Variants in GGA2 observed in about 807,000 individuals in gnomAD.
GGA2 encodes the protein golgi associated, gamma adaptin ear containing, ARF binding protein 2, also known as ADP-ribosylation factor-binding protein GGA2.
Under a neutral mutation model 79.5 loss-of-function variants are expected in GGA2, and 48 were observed. The ratio of observed to expected loss-of-function variants is 0.60; its 90% CI spans 0.48 to 0.77. GGA2 has a LOEUF of 0.77. Among genes scored for constraint, GGA2 ranks in the 30% least tolerant of loss-of-function variants. The pLI is 0.00. For synonymous variants in GGA2, 317 were observed against 302.0 expected (o/e 1.05, Z -0.51); for missense variants, 770 against 774.0 (o/e 0.99, Z 0.06).
chr16:23,486,569 C>A, intron 7 of GGA2, 141 bp downstream of exon 7: 1 of 717,940 alleles, frequency 1.4e-6, no homozygotes. Flanking sequence ...GAGACTATGG[C>A]TGTTCCCCAG....
chr16:23,512,125 GGAA>G (rs1567373127), upstream of GGA2, among the ~76,000 whole-genome samples: 1 of 152,314 alleles, frequency 6.6e-6, no homozygotes. Context: ...TTTGAAAGGC[GGAA>G]GAAGAGACCC....
chr16:23,504,144 C>G (rs1964949846), intron 1 of GGA2, among the ~76,000 whole-genome samples: 1 of 150,656 alleles, frequency 6.6e-6, no homozygotes, highest in Admixed American at 6.6e-5. Context: ...TCAGAACAAT[C>G]CAGGTTGGCA....
rs568294273 is a variant in GGA2 at position 23,465,786 on chromosome 16, C to A, written c.*1804G>T. The stretch of plus-strand genomic sequence containing the variant: ...TGAAATCCTGTCTCTACTAAAAATA[C>A]AAAAATTAGCTGGGCGTGCTGGCTC... On this transcript the variant is annotated 3_prime_UTR_variant, in exon 17 of 17. Transcript: ENST00000309859. 501 of 188,636 alleles carry A rather than the reference C, an allele frequency of 2.7e-3. 3 individuals carry two copies. Among genetic ancestry groups the A allele is most frequent in the Non-Finnish European group, 3.8e-3 (339 of 89,780 alleles). The allele number at this position is 188,636 out of a possible 1,614,324, so 11.7% of individuals were successfully genotyped here.
chr16:23,478,655 A>T (rs1183050816), intron 12 of GGA2, 154 bp from the exon 13 acceptor site: 1 of 794,126 alleles, frequency 1.3e-6, no homozygotes, highest in Non-Finnish European at 2.2e-6. Context: ...GGGCAAGATC[A>T]CATGCAGCTC....
At chr16:23,504,490 T>G (rs1452371941) in intron 1 of GGA2, among the ~76,000 whole-genome samples, 1 of 152,248 alleles carries the variant, frequency 6.6e-6, no homozygotes, top group Admixed American at 6.5e-5. Flanking sequence ...CTGGACATAC[T>G]GATAACACGG....
At chr16:23,510,688 G>A (rs184214082), upstream of GGA2, among the ~76,000 whole-genome samples, 110 of 152,364 alleles carry the variant, frequency 7.2e-4, no homozygotes, top group Admixed American at 4.3e-3. Flanking sequence ...ATTTTCAGAA[G>A]AACACGAATA....
intron 14 of GGA2, among the ~76,000 whole-genome samples, chr16:23,473,156 C>T (rs778984779): frequency 4.0e-5 from 6 of 151,244 alleles, no homozygotes; most frequent in Non-Finnish European, 7.4e-5. Flanking sequence ...ATGGTATAGG[C>T]TTATAAAGTA....
intron 6 of GGA2, 122 bp from the exon 7 acceptor site, chr16:23,486,912 C>A: frequency 1.4e-6 from 1 of 734,274 alleles, no homozygotes; most frequent in Non-Finnish European, 2.5e-6. Flanking sequence ...CACCATCTCA[C>A]CAAATGGTCC....
intron 4 of GGA2, among the ~76,000 whole-genome samples, chr16:23,492,895 T>G (rs1483389281): frequency 6.6e-6 from 1 of 152,048 alleles, no homozygotes; most frequent in Non-Finnish European, 1.5e-5. Flanking sequence ...GTGTCAGAAC[T>G]GAAATGAACT....
chr16:23,495,963 T>C lies in GGA2; in HGVS notation c.92-185A>G, dbSNP rs556837689. 3.3e-5 allele frequency among the ~76,000 whole-genome samples: 5 copies of C among 152,228 alleles called. No individual in the cohort carries two copies. The South Asian group carries it at 1.0e-3, about 32-fold the overall frequency. On this transcript the variant is annotated intron_variant, in intron 1 of 16. Coordinates refer to ENST00000309859, the MANE Select transcript of GGA2 (RefSeq NM_015044.4). ...ACCACCCAGCACAGCATTGGGCACA[T>C]GGTATGCCCTTACTGAATATTTGCT... is the stretch of plus-strand genomic sequence containing the variant.
chr16:23,507,713 T>C (rs969183925), intron 1 of GGA2, among the ~76,000 whole-genome samples: 3 of 152,046 alleles, frequency 2.0e-5, no homozygotes, highest in Non-Finnish European at 4.4e-5. Context: ...GGCAGGAGAA[T>C]TGCTTGAACC....
chr16:23,483,185 A>G (rs1964670862), intron 8 of GGA2, among the ~76,000 whole-genome samples, 181 bp from the exon 9 acceptor site: 1 of 152,170 alleles, frequency 6.6e-6, no homozygotes, highest in Non-Finnish European at 1.5e-5. Context: ...GAAAAAGACT[A>G]CAGGCTACAA....
At chr16:23,508,763 G>A (rs376345637) in intron 1 of GGA2, among the ~76,000 whole-genome samples, 1 of 152,138 alleles carries the variant, frequency 6.6e-6, no homozygotes, top group Non-Finnish European at 1.5e-5. Flanking sequence ...GCCCTCTCCA[G>A]TGCCAACCAG....
rs901229565 is a variant in GGA2 at position 23,463,701 on chromosome 16, A to G, written c.*3889T>C. Reference sequence around the variant, plus strand: ...CTTTAAAACAAACTGGGGTCAGGACATGGTGGCTCATGCCTGTAATCCCAG... The same window carrying G: ...CTTTAAAACAAACTGGGGTCAGGACGTGGTGGCTCATGCCTGTAATCCCAG... On this transcript the variant is annotated 3_prime_UTR_variant, in exon 17 of 17. Coordinates refer to ENST00000309859, the MANE Select transcript of GGA2 (RefSeq NM_015044.4). 6.6e-6 allele frequency: 1 copy of G among 152,272 alleles called. No individual in the cohort carries two copies. Among genetic ancestry groups the G allele is most frequent in the East Asian group, 1.9e-4 (1 of 5,192 alleles). The allele number at this position is 152,272 out of a possible 1,614,324, so 9.4% of individuals were successfully genotyped here.
chr16:23,473,831 T>C (rs1306787040), intron 14 of GGA2, among the ~76,000 whole-genome samples: 4 of 152,236 alleles, frequency 2.6e-5, no homozygotes, highest in Non-Finnish European at 5.9e-5. Context: ...AAAATTAACA[T>C]TGAACATGTA....
Position 23,491,790 on chromosome 16 carries a change from G to C in GGA2, c.362C>G (p.Ser121Cys), listed in dbSNP as rs759139238. The change falls in exon 5 of 17, where the codon TCC (serine) becomes TGC (cysteine). Residue 121 changes from serine (S) to cysteine (C), a missense_variant. Ser to Cys is a moderately radical substitution (Grantham distance 112). Transcript: ENST00000309859. Reference sequence around the variant, plus strand: ...TCCTTTAACTTTTCCTGTGGCCCAGGACCCCAGGTACTGAAAGTAAAAAGG... The same window carrying C: ...TCCTTTAACTTTTCCTGTGGCCCAGCACCCCAGGTACTGAAAGTAAAAAGG... ...IKVLSPKYLGSWATGKVKGRV... is the reference protein window; with the variant it reads ...IKVLSPKYLGCWATGKVKGRV... 1 of 1,609,888 alleles carries C rather than the reference G, an allele frequency of 6.2e-7. No individual in the cohort carries two copies. The highest frequency in any genetic ancestry group is 1.1e-5 in the South Asian group (1 of 90,964).
intron 9 of GGA2, among the ~76,000 whole-genome samples, chr16:23,481,802 AG>A (rs1323933644): frequency 6.6e-6 from 1 of 152,222 alleles, no homozygotes; most frequent in Admixed American, 6.5e-5. Context: ...AGGATTGCAG[AG>A]GGCATGCACA....
chr16:23,475,367 T>A (rs1433573395), intron 13 of GGA2, among the ~76,000 whole-genome samples: 1 of 151,690 alleles, frequency 6.6e-6, no homozygotes, highest in Non-Finnish European at 1.5e-5. Context: ...TTTTTGTATT[T>A]TTATTAGAGA....
intron 1 of GGA2, among the ~76,000 whole-genome samples, chr16:23,502,452 C>G (rs1431162990): frequency 2.0e-5 from 3 of 152,220 alleles, no homozygotes; most frequent in African/African-American, 7.2e-5. Flanking sequence ...AGAGGAACAT[C>G]TGGGTTCAAA....
Sources: allele counts gnomAD v4.1 joint callset (sites outside exome capture counted in the v4.1 genomes callset), GRCh38; gene constraint gnomAD v4.1.1; transcripts MANE v1.5; gene names NCBI Gene and HGNC (gene_info 2026-07-23, HGNC 2026-07-21).